The following LMTK2 variants were observed in gnomAD, a reference collection of about 807,000 sequenced individuals.
LMTK2 encodes lemur tail kinase 2.
In LMTK2, 37 loss-of-function variants were observed where a neutral mutation model predicts 127.5. The observed-to-expected ratio is 0.29, with a 90% CI of 0.22 to 0.38. The LOEUF (loss-of-function observed/expected upper bound fraction) is 0.38, where lower values mean the gene tolerates loss of function less well. LMTK2 is among the 10% of genes least tolerant of loss of function. LMTK2 has a pLI of 1.00. For synonymous variants in LMTK2, 819 were observed against 810.1 expected (o/e 1.01, Z -0.19); for missense variants, 1,694 against 1,920.3 (o/e 0.88, Z 2.20).
rs199583126 is a variant in LMTK2 at position 98,194,390 on chromosome 7, G to A, written c.3925G>A (p.Glu1309Lys). The A allele has an allele frequency of 5.0e-6, 8 of 1,614,134 alleles. No individual in the cohort carries two copies. The highest frequency in any genetic ancestry group is 6.8e-6 in the Non-Finnish European group (8 of 1,180,038). ...CTTCAACCTGCATAGCCTCAGCTCCGAGTCGGAGGACGAGACCGAGCACCC... is the reference window on the plus strand; with the variant it reads ...CTTCAACCTGCATAGCCTCAGCTCCAAGTCGGAGGACGAGACCGAGCACCC... ...RAFNLHSLSS[E>K]SEDETEHPVP... is the part of the protein sequence containing the mutation. The change falls in exon 11 of 14, where the codon GAG (glutamate) becomes AAG (lysine). Residue 1309 changes from glutamate (E) to lysine (K), a missense_variant. By Grantham distance (56) the Glu-to-Lys change is moderately conservative. Around this residue, in one of 8 missense-constraint regions of LMTK2, gnomAD observed 554 missense variants for 567.7 expected, o/e 0.98. Transcript: ENST00000297293. This position sits in a 1 kb window ranked among gnomAD's most constrained non-coding sequence, Gnocchi z 5.4.
At chr7:98,196,508 C>T (rs1402822091) in intron 11 of LMTK2, among the ~76,000 whole-genome samples, 1 of 152,136 alleles carries the variant, frequency 6.6e-6, no homozygotes, top group Non-Finnish European at 1.5e-5. Flanking sequence ...ATAGGTGGGA[C>T]GGAACTGTCA....
intron 6 of LMTK2, among the ~76,000 whole-genome samples, chr7:98,163,860 C>T (rs1285788136): frequency 6.6e-6 from 1 of 152,168 alleles, no homozygotes; most frequent in African/African-American, 2.4e-5. Flanking sequence ...GCACAGAGGG[C>T]AGCGGTCTGG....
At chr7:98,132,311 C>T (rs1796531335) in intron 1 of LMTK2, among the ~76,000 whole-genome samples, 1 of 152,022 alleles carries the variant, frequency 6.6e-6, no homozygotes, top group Non-Finnish European at 1.5e-5. Context: ...AGTGCAGTGG[C>T]GCAATTTTGG....
chr7:98,172,470 C>T (rs532190481), intron 7 of LMTK2, among the ~76,000 whole-genome samples: 7 of 152,152 alleles, frequency 4.6e-5, no homozygotes, highest in South Asian at 4.2e-4. Context: ...TGGTGATTTT[C>T]GTAATTAAAA....
At chr7:98,202,908 C>T (rs1020792026) in intron 11 of LMTK2, among the ~76,000 whole-genome samples, 11 of 152,132 alleles carry the variant, frequency 7.2e-5, no homozygotes, top group South Asian at 4.1e-4. Context: ...TTTAGTTACA[C>T]GATGTGCCAT....
intron 11 of LMTK2, among the ~76,000 whole-genome samples, chr7:98,198,894 G>A (rs1797670318): frequency 6.6e-6 from 1 of 152,070 alleles, no homozygotes; most frequent in Non-Finnish European, 1.5e-5. Flanking sequence ...AAAGTTTTTT[G>A]TAAGACTTCC....
At chr7:98,125,105 C>G (rs2116337656) in intron 1 of LMTK2, among the ~76,000 whole-genome samples, 1 of 152,008 alleles carries the variant, frequency 6.6e-6, no homozygotes, top group Non-Finnish European at 1.5e-5. Flanking sequence ...AGATCGAGAC[C>G]ATCCTGGCTA....
intron 1 of LMTK2, among the ~76,000 whole-genome samples, chr7:98,121,392 G>T (rs993893221): frequency 6.6e-6 from 1 of 152,036 alleles, no homozygotes; most frequent in Non-Finnish European, 1.5e-5. Flanking sequence ...ACTTTGGGAG[G>T]CCAAGGCAGG....
chr7:98,190,901 G>A, intron 10 of LMTK2, 24 bp downstream of exon 10: 1 of 1,608,892 alleles, frequency 6.2e-7, no homozygotes, highest in Non-Finnish European at 8.5e-7. Context: ...CATTCCGCCT[G>A]TTCTGTTTCG....
At chr7:98,165,433 T>C (rs990611405) in intron 6 of LMTK2, among the ~76,000 whole-genome samples, 2 of 152,206 alleles carry the variant, frequency 1.3e-5, no homozygotes, top group Non-Finnish European at 2.9e-5. Context: ...GAGTTACCAG[T>C]GCCAAAGTGA....
intron 3 of LMTK2, among the ~76,000 whole-genome samples, chr7:98,145,530 T>C (rs975601920): frequency 1.3e-5 from 2 of 152,186 alleles, no homozygotes; most frequent in Non-Finnish European, 2.9e-5. Context: ...TTGAGGATGG[T>C]GTTAGGAGGA....
At chr7:98,115,243 C>T (rs575571241) in intron 1 of LMTK2, among the ~76,000 whole-genome samples, 1 of 151,538 alleles carries the variant, frequency 6.6e-6, no homozygotes, top group Non-Finnish European at 1.5e-5. Flanking sequence ...GGAGAAACCC[C>T]GTCTATACTA....
intron 7 of LMTK2, 74 bp from the exon 8 acceptor site, chr7:98,184,977 T>C: frequency 9.4e-7 from 1 of 1,065,146 alleles, no homozygotes; most frequent in Non-Finnish European, 1.4e-6. Flanking sequence ...GAAAGCCCAT[T>C]TCTGTGGCAT....
chr7:98,166,226 T>C (rs1357181107), intron 6 of LMTK2, among the ~76,000 whole-genome samples: 1 of 152,182 alleles, frequency 6.6e-6, no homozygotes, highest in African/African-American at 2.4e-5. Context: ...CTGTCTTCTT[T>C]CTCCCCTGTT....
At chr7:98,125,490 T>TTGAA (rs1226188646) in intron 1 of LMTK2, among the ~76,000 whole-genome samples, 19 of 152,308 alleles carry the variant, frequency 1.2e-4, no homozygotes, top group Admixed American at 1.1e-3. Flanking sequence ...TAAATGTTTG[T>TTGAA]TGAATGAATG....
chr7:98,150,137 G>A (rs1027029158), intron 3 of LMTK2, among the ~76,000 whole-genome samples: 11 of 151,938 alleles, frequency 7.2e-5, no homozygotes, highest in Admixed American at 5.9e-4. Flanking sequence ...GTGAAACCCT[G>A]TCTCTACTAA....
At chr7:98,125,636 A>G (rs1245385280) in intron 1 of LMTK2, among the ~76,000 whole-genome samples, 1 of 152,190 alleles carries the variant, frequency 6.6e-6, no homozygotes, top group Non-Finnish European at 1.5e-5. Context: ...ATACCTGAGT[A>G]TCTGGAAGCA....
At chr7:98,138,530 C>T (rs1796629137) in intron 2 of LMTK2, among the ~76,000 whole-genome samples, 1 of 152,114 alleles carries the variant, frequency 6.6e-6, no homozygotes, top group Non-Finnish European at 1.5e-5. Flanking sequence ...TTGCCCCAGA[C>T]CTGTAGGGTT....
chr7:98,187,736 G>A (rs1412103856), intron 9 of LMTK2, among the ~76,000 whole-genome samples: 9 of 151,658 alleles, frequency 5.9e-5, no homozygotes, highest in Non-Finnish European at 1.3e-4. Context: ...TCAGCCTCCC[G>A]AGTAATTGGG....
Sources: allele counts gnomAD v4.1 joint callset (sites outside exome capture counted in the v4.1 genomes callset), GRCh38; gene constraint gnomAD v4.1.1; regional missense constraint gnomAD v4.1.1; non-coding constraint Gnocchi (gnomAD v3.1); transcripts MANE v1.5; gene names NCBI Gene and HGNC (gene_info 2026-07-23, HGNC 2026-07-21).